Variants in GJC3 observed in about 807,000 individuals in gnomAD.
GJC3 encodes gap junction gamma-3 protein.
In GJC3, 17 loss-of-function variants were observed where a neutral mutation model predicts 19.8. That is an observed-to-expected ratio of 0.86 (90% CI 0.59 to 1.29). The LOEUF (loss-of-function observed/expected upper bound fraction) is 1.29, where lower values mean the gene tolerates loss of function less well. Among genes scored for constraint, GJC3 ranks in the 50% most tolerant of loss-of-function variants. The probability of loss-of-function intolerance (pLI) is 0.00; values close to 1 mark genes in which losing one functional copy is unlikely to be tolerated. For synonymous variants in GJC3, 140 were observed against 136.5 expected (o/e 1.03, Z -0.18); for missense variants, 317 against 332.5 (o/e 0.95, Z 0.36).
intron 1 of GJC3, among the ~76,000 whole-genome samples, chr7:99,927,825 A>C (rs1819833684): frequency 6.6e-6 from 1 of 152,158 alleles, no homozygotes; most frequent in African/African-American, 2.4e-5. Context: ...GAGGGTTATG[A>C]AATTAAAGAG....
At chr7:99,926,521 A>T (rs1819802902) in intron 1 of GJC3, among the ~76,000 whole-genome samples, 1 of 152,234 alleles carries the variant, frequency 6.6e-6, no homozygotes, top group South Asian at 2.1e-4. Flanking sequence ...TGTAATACTG[A>T]AACATGCCAC....
Position 99,923,358 on chromosome 7 carries a change from A to G in GJC3, c.*187T>C. On this transcript the variant is annotated 3_prime_UTR_variant, in exon 2 of 2. Coordinates refer to ENST00000312891, the MANE Select transcript of GJC3 (RefSeq NM_181538.3). ...GCAATGCCTCCCTGAGCAATGGTGC[A>G]AACATGGCTTTTATTAGTCTGGTTA... 1 of 651,738 alleles carries G rather than the reference A, an allele frequency of 1.5e-6. No individual in the cohort carries two copies. Among genetic ancestry groups the G allele is most frequent in the South Asian group, 1.7e-5 (1 of 58,020 alleles). The allele number at this position is 651,738 out of a possible 1,614,324, so 40.4% of individuals were successfully genotyped here.
intron 1 of GJC3, 87 bp from the exon 2 acceptor site, chr7:99,923,690 AC>A: frequency 2.7e-6 from 2 of 735,860 alleles, no homozygotes. Flanking sequence ...ACCCTGGGTT[AC>A]ACTTTAGGTG....
At chr7:99,926,813 G>A (rs2115582706) in intron 1 of GJC3, among the ~76,000 whole-genome samples, 1 of 152,320 alleles carries the variant, frequency 6.6e-6, no homozygotes, top group African/African-American at 2.4e-5. Context: ...GTAGAGGATA[G>A]TGACTGCAAG....
chr7:99,923,472 G>T lies in GJC3; in HGVS notation c.*73C>A. 1.3e-6 allele frequency: 1 copy of T among 778,838 alleles called. No homozygotes were observed. The allele number at this position is 778,838 out of a possible 1,614,324, so 48.2% of individuals were successfully genotyped here. A position where few individuals can be genotyped will look rare whatever the true frequency, so the allele number is the denominator to read the frequency against. On this transcript the variant is annotated 3_prime_UTR_variant, in exon 2 of 2. Coordinates refer to ENST00000312891, the MANE Select transcript of GJC3 (RefSeq NM_181538.3). ...TACATATGTCACATGTATAGAAAAT[G>T]GTGAATAAGCTCCTCCTTGGACAGG...
upstream of GJC3, among the ~76,000 whole-genome samples, chr7:99,930,597 C>G (rs150798613): frequency 7.9e-5 from 12 of 152,148 alleles, no homozygotes; most frequent in African/African-American, 2.2e-4. Flanking sequence ...CAAACCGTCC[C>G]CATTTAGCCT....
rs1167394653 is a variant in GJC3, at chr7:99,929,162, C to A, written c.459G>T (p.Gly153=). The stretch of plus-strand genomic sequence containing the variant: ...GGAACCCATACAGGTGGTACTGCAA[C>A]CCCAGGGCTGCCCCCTCCAGGACAA... ...ARLVLEGAAL[G]LQYHLYGFQM... The change falls in exon 1 of 2, where the codon GGG becomes GGT. Residue 153 remains glycine, a synonymous_variant. Coordinates refer to ENST00000312891, the MANE Select transcript of GJC3 (RefSeq NM_181538.3). 4 of 1,613,786 alleles carry A rather than the reference C, an allele frequency of 2.5e-6. No homozygotes were observed. The African/African-American group carries it at 5.3e-5, about 22-fold the overall frequency.
chr7:99,927,517 T>G (rs1819828028), intron 1 of GJC3, among the ~76,000 whole-genome samples: 1 of 152,064 alleles, frequency 6.6e-6, no homozygotes, highest in East Asian at 1.9e-4. Flanking sequence ...AAGCATCCCT[T>G]GGGATCCCCT....
Position 99,929,158 on chromosome 7 carries a change from G to A in GJC3, c.463C>T (p.Gln155Ter), listed in dbSNP as rs910874182. The stretch of plus-strand genomic sequence containing the variant: ...ATCTGGAACCCATACAGGTGGTACT[G>A]CAACCCCAGGGCTGCCCCCTCCAGG... ...LVLEGAALGL[Q>*]YHLYGFQMPS... Residue 155 changes from glutamine (Q) to a stop codon, truncating the protein, a stop_gained, in exon 1 of 2, where the codon CAG (glutamine) becomes TAG (stop). Transcript: ENST00000312891. LOFTEE classifies it high-confidence loss of function. 1.2e-6 allele frequency: 2 copies of A among 1,613,868 alleles called. No individual in the cohort carries two copies. The highest frequency in any genetic ancestry group is 1.7e-6 in the Non-Finnish European group (2 of 1,179,960).
chr7:99,925,230 A>G (rs1376739792), intron 1 of GJC3, among the ~76,000 whole-genome samples: 5 of 152,106 alleles, frequency 3.3e-5, no homozygotes, highest in African/African-American at 1.2e-4. Flanking sequence ...CACATTGCAT[A>G]CCTGTATCAA....
chr7:99,930,034 G>C (rs1007985365), upstream of GJC3, among the ~76,000 whole-genome samples: 1 of 152,164 alleles, frequency 6.6e-6, no homozygotes, highest in Admixed American at 6.5e-5. Flanking sequence ...CCAGCTGATG[G>C]CTGCCAGGCC....
upstream of GJC3, chr7:99,929,643 G>A: frequency 6.3e-7 from 1 of 1,586,008 alleles, no homozygotes; most frequent in Non-Finnish European, 8.5e-7. Flanking sequence ...CAGAGGACAA[G>A]AGATCAGTGT....
upstream of GJC3, among the ~76,000 whole-genome samples, chr7:99,930,597 C>T (rs150798613): frequency 6.6e-6 from 1 of 152,266 alleles, no homozygotes; most frequent in Non-Finnish European, 1.5e-5. Context: ...CAAACCGTCC[C>T]CATTTAGCCT....
In GJC3 at chr7:99,929,231, G is replaced by A. The variant is rs1819857382; in HGVS notation, c.390C>T (p.Ser130=). ...EGNTDVPGAG[S]LRLLWAYVAQ... ...CCACATAAGCCCAGAGCAGCCTGAG[G>A]CTTCCAGCCCCTGGGACATCTGTGT... The change falls in exon 1 of 2, where the codon AGC becomes AGT. Residue 130 remains serine (S), a synonymous_variant. Coordinates refer to ENST00000312891, the MANE Select transcript of GJC3 (RefSeq NM_181538.3). 6.2e-7 allele frequency: 1 copy of A among 1,614,216 alleles called. No individual in the cohort carries two copies. Among genetic ancestry groups the A allele is most frequent in the Non-Finnish European group, 8.5e-7 (1 of 1,180,036 alleles).
At chr7:99,923,769 C>T (rs1421326712) in intron 1 of GJC3, among the ~76,000 whole-genome samples, 166 bp from the exon 2 acceptor site, 1 of 152,208 alleles carries the variant, frequency 6.6e-6, no homozygotes, top group African/African-American at 2.4e-5. Context: ...ATTGGAACCA[C>T]AACCCTCAGA....
chr7:99,928,990 C>G lies in GJC3; in HGVS notation c.631G>C (p.Val211Leu). The stretch of plus-strand genomic sequence containing the variant: ...CACCATCTCCCCAAACCCAGAAGCA[C>G]AAGCTCCAAAAAAGTAAACAAGAGA... ...FCLLFTFLEL[V>L]LLGLGRWWRT... Residue 211 changes from valine (V) to leucine (L), a missense_variant, in exon 1 of 2, where the codon GTG becomes CTG. Coordinates refer to ENST00000312891, the MANE Select transcript of GJC3 (RefSeq NM_181538.3). 1.2e-6 allele frequency: 2 copies of G among 1,614,144 alleles called. No homozygotes were observed. Among genetic ancestry groups the G allele is most frequent in the Non-Finnish European group, 1.7e-6 (2 of 1,180,020 alleles).
intron 1 of GJC3, 147 bp downstream of exon 1, chr7:99,928,693 G>A (rs11977827): frequency 0.088 from 62,534 of 706,786 alleles, 4,792 homozygotes; most frequent in African/African-American, 0.33. Context: ...GGTTGGGAGT[G>A]GCGGTCAGAA....
At chr7:99,924,066 T>C (rs75126895) in intron 1 of GJC3, among the ~76,000 whole-genome samples, 4,554 of 152,184 alleles carry the variant, frequency 0.03, 115 homozygotes, top group Middle Eastern at 0.12. Flanking sequence ...AGAGAAGTAA[T>C]AGAAAATACA....
At chr7:99,930,541 A>G (rs148661924), upstream of GJC3, among the ~76,000 whole-genome samples, 23 of 152,246 alleles carry the variant, frequency 1.5e-4, 1 homozygote, top group African/African-American at 5.1e-4. Flanking sequence ...CACCATCTCT[A>G]TATTTGTCCT....
Sources: allele counts gnomAD v4.1 joint callset (sites outside exome capture counted in the v4.1 genomes callset), GRCh38; gene constraint gnomAD v4.1.1; transcripts MANE v1.5; gene names NCBI Gene and HGNC (gene_info 2026-07-23, HGNC 2026-07-21).